Variants in LCORL observed in about 807,000 individuals in gnomAD.
LCORL encodes ligand-dependent nuclear receptor corepressor-like protein.
A neutral mutation model predicts 141.8 loss-of-function variants in LCORL; 41 were observed. The ratio of observed to expected loss-of-function variants is 0.29; its 90% CI spans 0.23 to 0.38. The LOEUF (loss-of-function observed/expected upper bound fraction) is 0.38, where lower values mean the gene tolerates loss of function less well. LCORL is among the 10% of genes least tolerant of loss of function. The pLI, the probability that LCORL is intolerant of heterozygous loss-of-function variation, is 1.00. For missense variants in LCORL, 1,759 were observed against 2,035.0 expected, an observed-to-expected ratio of 0.86 and a Z score of 2.61; for synonymous variants, 618 against 694.1, an observed-to-expected ratio of 0.89 and a Z score of 1.72.
chr4:17,966,732 A>G (rs893817101), intron 2 of LCORL, among the ~76,000 whole-genome samples: 7 of 152,332 alleles, frequency 4.6e-5, no homozygotes, highest in Non-Finnish European at 7.4e-5. Flanking sequence ...AAATTAAGGC[A>G]ATGAAATACC....
At chr4:17,917,191 T>A (rs1733582069) in intron 4 of LCORL, among the ~76,000 whole-genome samples, 1 of 151,696 alleles carries the variant, frequency 6.6e-6, no homozygotes, top group Non-Finnish European at 1.5e-5. Flanking sequence ...CAGGCTGAGT[T>A]TTTTTTGTTT....
chr4:17,929,339 GAACA>G (rs1203029227), intron 4 of LCORL, among the ~76,000 whole-genome samples: 3 of 152,066 alleles, frequency 2.0e-5, no homozygotes, highest in African/African-American at 7.2e-5. Context: ...TCTCGAAAGA[GAACA>G]AAATCGGAGG....
At chr4:18,012,599 AC>A (rs1723976747) in intron 1 of LCORL, among the ~76,000 whole-genome samples, 1 of 152,218 alleles carries the variant, frequency 6.6e-6, no homozygotes, top group South Asian at 2.1e-4. Flanking sequence ...GTAGAAAAAA[AC>A]ATTCTTTTAA....
intron 1 of LCORL, among the ~76,000 whole-genome samples, chr4:17,984,044 A>C (rs1031220069): frequency 6.6e-6 from 1 of 152,008 alleles, no homozygotes; most frequent in African/African-American, 2.4e-5. Context: ...TTTTGTCCTT[A>C]GTTCTGTTTA....
At chr4:17,902,459 G>A (rs1255709479) in intron 5 of LCORL, among the ~76,000 whole-genome samples, 1 of 151,974 alleles carries the variant, frequency 6.6e-6, no homozygotes, top group Non-Finnish European at 1.5e-5. Flanking sequence ...ACAAAAGCTC[G>A]GCATAGAAAA....
intron 4 of LCORL, among the ~76,000 whole-genome samples, chr4:17,944,541 G>A (rs1164276811): frequency 6.6e-6 from 1 of 152,046 alleles, no homozygotes; most frequent in Non-Finnish European, 1.5e-5. Context: ...AGCTCTTTCA[G>A]GATGGCTCCT....
rs75821218 is a variant in LCORL at position 17,951,667 on chromosome 4, T to C, written c.430+10236A>G. ...CCAGCCTGTGAGAGGTTTGGATGTGTGTATATACACATTCAACCACAGGTA... is the reference window on the plus strand; with the variant it reads ...CCAGCCTGTGAGAGGTTTGGATGTGCGTATATACACATTCAACCACAGGTA... On this transcript the variant is annotated intron_variant, in intron 4 of 7. Coordinates refer to ENST00000635767, the Ensembl canonical transcript of LCORL. Among the ~76,000 whole-genome samples, 906 of 152,346 alleles carry C rather than the reference T, an allele frequency of 5.9e-3. 22 individuals are homozygous for C. The East Asian group carries it at 0.078, about 13-fold the overall frequency.
At chr4:17,854,000 T>G (rs1448039586) in intron 7 of LCORL, among the ~76,000 whole-genome samples, 3 of 152,000 alleles carry the variant, frequency 2.0e-5, no homozygotes, top group Non-Finnish European at 4.4e-5. Flanking sequence ...ATGCAATAAA[T>G]ATAAAGGAGT....
chr4:17,938,328 A>G (rs1241838489), intron 4 of LCORL, among the ~76,000 whole-genome samples: 1 of 151,510 alleles, frequency 6.6e-6, no homozygotes, highest in African/African-American at 2.4e-5. Context: ...CTTCTATCCT[A>G]CTGGACTTAC....
exon 8 of LCORL, chr4:17,841,716 T>G (rs1183922124): frequency 6.6e-6 from 1 of 152,000 alleles, no homozygotes; most frequent in African/African-American, 2.4e-5. Flanking sequence ...AAACTTTGTC[T>G]TACTCCTTAA....
intron 6 of LCORL, chr4:17,881,007 G>A: frequency 1.0e-6 from 1 of 982,620 alleles, no homozygotes; most frequent in South Asian, 4.7e-5. Flanking sequence ...ACAAATACAA[G>A]TATTTGTACT....
exon 8 of LCORL, chr4:17,845,720 T>G: frequency 1.2e-6 from 2 of 1,603,472 alleles, no homozygotes; most frequent in Non-Finnish European, 8.5e-7. Context: ...AGAACTGCAA[T>G]CTATTTCTCT....
intron 1 of LCORL, among the ~76,000 whole-genome samples, chr4:18,012,790 T>C (rs566252938): frequency 2.0e-4 from 30 of 152,280 alleles, no homozygotes; most frequent in Admixed American, 5.9e-4. Flanking sequence ...CTCAGCTTAA[T>C]GAAATTAACA....
intron 6 of LCORL, chr4:17,883,677 C>CAT (rs1407774277): frequency 2.8e-6 from 4 of 1,424,262 alleles, no homozygotes; most frequent in African/African-American, 1.4e-5. Flanking sequence ...CACGCAAACA[C>CAT]ACACACACAC....
intron 4 of LCORL, chr4:17,912,336 GAA>G (rs1732697274): frequency 8.9e-6 from 6 of 670,906 alleles, no homozygotes; most frequent in Non-Finnish European, 1.7e-5. Flanking sequence ...TGCTCTTCAT[GAA>G]GAACCATGAA....
At chr4:18,019,558 G>A (rs928097344) in intron 1 of LCORL, among the ~76,000 whole-genome samples, 1 of 152,104 alleles carries the variant, frequency 6.6e-6, no homozygotes, top group Non-Finnish European at 1.5e-5. Context: ...AAGGCAAAAA[G>A]ATATTCTAGT....
At chr4:17,958,260 G>C (rs933216718) in intron 4 of LCORL, among the ~76,000 whole-genome samples, 1 of 151,606 alleles carries the variant, frequency 6.6e-6, no homozygotes, top group Admixed American at 6.6e-5. Flanking sequence ...GTGGGTACGT[G>C]AATGCTAAGC....
chr4:17,883,601 G>C, intron 6 of LCORL: 1 of 1,370,400 alleles, frequency 7.3e-7, no homozygotes, highest in Non-Finnish European at 9.4e-7. Context: ...TCCTGTCAGA[G>C]TGAGCATTTG....
intron 7 of LCORL, among the ~76,000 whole-genome samples, chr4:17,862,418 G>T (rs546878962): frequency 6.6e-6 from 1 of 152,184 alleles, no homozygotes; most frequent in African/African-American, 2.4e-5. Context: ...CTCCCACCAG[G>T]TCCCTCCCAC....
Sources: gnomAD v4.1 joint callset for allele counts (sites outside exome capture counted in the v4.1 genomes callset) on GRCh38, gnomAD v4.1.1 for gene constraint, MANE v1.5 for transcripts, NCBI Gene and HGNC (gene_info 2026-07-23, HGNC 2026-07-21) for gene names.